The following STMN2 variants were observed in gnomAD, a reference collection of about 807,000 sequenced individuals.
STMN2 encodes the protein stathmin-2.
Under a neutral mutation model 24.1 loss-of-function variants are expected in STMN2, and 2 were observed. The observed-to-expected ratio is 0.08, with a 90% CI of 0.03 to 0.26. STMN2 has a LOEUF of 0.26. STMN2 is among the 10% of genes least tolerant of loss of function. The pLI, the probability that STMN2 is intolerant of heterozygous loss-of-function variation, is 1.00. For missense variants in STMN2, 114 were observed against 213.6 expected (o/e 0.53, Z 2.91); for synonymous variants, 83 against 77.5 (o/e 1.07, Z -0.37).
At chr8:79,659,635 A>C (rs1806458811) in intron 4 of STMN2, among the ~76,000 whole-genome samples, 1 of 152,228 alleles carries the variant, frequency 6.6e-6, no homozygotes, top group South Asian at 2.1e-4. Flanking sequence ...TAATCATTTT[A>C]ACAACAATAC....
chr8:79,650,601 GA>G (rs1332053308), intron 3 of STMN2, among the ~76,000 whole-genome samples: 1 of 152,134 alleles, frequency 6.6e-6, no homozygotes, highest in East Asian at 1.9e-4. Flanking sequence ...GTTCATGTGA[GA>G]ATCAATTTCT....
chr8:79,657,060 G>A lies in STMN2; in HGVS notation c.480+1998G>A, dbSNP rs1806389775. On this transcript the variant is annotated intron_variant, in intron 4 of 4. Coordinates refer to ENST00000220876, the MANE Select transcript of STMN2 (RefSeq NM_007029.4). ...AGCTAATTTTTGTATTTTTAGTAGAGACAGGGTTTTGCCGTGTTGGCCAAG... is the reference window on the plus strand; with the variant it reads ...AGCTAATTTTTGTATTTTTAGTAGAAACAGGGTTTTGCCGTGTTGGCCAAG... Among the ~76,000 whole-genome samples the A allele has an allele frequency of 2.6e-5, 4 of 152,252 alleles. No homozygotes were observed. In the South Asian group the frequency reaches 8.3e-4, roughly 32 times the overall value.
intron 3 of STMN2, 70 bp downstream of exon 3, chr8:79,641,620 ACATG>A (rs1810096880): frequency 1.0e-6 from 1 of 959,172 alleles, no homozygotes; most frequent in Non-Finnish European, 1.5e-6. Flanking sequence ...ACTCGGGCAC[ACATG>A]CACGCACACA....
Position 79,624,873 on chromosome 8 carries a change from G to T in STMN2, c.20-11929G>T, listed in dbSNP as rs377522879. Among the ~76,000 whole-genome samples, 4 of 152,222 alleles carry T rather than the reference G, an allele frequency of 2.6e-5. No individual in the cohort carries two copies. In the East Asian group the frequency reaches 7.7e-4, roughly 29 times the overall value. Reference sequence around the variant, plus strand: ...TTTACTATCTAACAATGAATTTGACGATAGCCACATACCATCTTATAGCAA... The same window carrying T: ...TTTACTATCTAACAATGAATTTGACTATAGCCACATACCATCTTATAGCAA... On this transcript the variant is annotated intron_variant, in intron 1 of 4. Coordinates refer to ENST00000220876, the MANE Select transcript of STMN2 (RefSeq NM_007029.4).
chr8:79,656,117 C>G (rs186606774), intron 4 of STMN2, among the ~76,000 whole-genome samples: 6 of 152,308 alleles, frequency 3.9e-5, no homozygotes, highest in Admixed American at 3.9e-4. Flanking sequence ...CAGTCTCTGA[C>G]TGCAAATATC....
chr8:79,634,373 T>G (rs1809888983), intron 1 of STMN2, among the ~76,000 whole-genome samples: 1 of 152,180 alleles, frequency 6.6e-6, no homozygotes, highest in South Asian at 2.1e-4. Flanking sequence ...TCCAAAGGCG[T>G]TCAACAAAAT....
intron 3 of STMN2, among the ~76,000 whole-genome samples, chr8:79,651,104 T>G (rs189684309): frequency 6.6e-6 from 1 of 152,340 alleles, no homozygotes; most frequent in East Asian, 1.9e-4. Flanking sequence ...AATTATTAAG[T>G]CCTGCAAATG....
chr8:79,635,608 A>G (rs1008836531), intron 1 of STMN2, among the ~76,000 whole-genome samples: 5 of 152,234 alleles, frequency 3.3e-5, no homozygotes, highest in African/African-American at 4.8e-5. Flanking sequence ...CTTTGCTGCA[A>G]CATGGATGCA....
At chr8:79,659,927 G>A (rs1806467490) in intron 4 of STMN2, among the ~76,000 whole-genome samples, 1 of 152,106 alleles carries the variant, frequency 6.6e-6, no homozygotes, top group Non-Finnish European at 1.5e-5. Context: ...GACTCACCCA[G>A]TATCTACTAA....
intron 3 of STMN2, among the ~76,000 whole-genome samples, chr8:79,643,504 G>C (rs1199162590): frequency 6.6e-6 from 1 of 151,992 alleles, no homozygotes; most frequent in Non-Finnish European, 1.5e-5. Flanking sequence ...GACTTGATTA[G>C]AATATGGAGT....
chr8:79,640,762 A>G (rs980031244), intron 2 of STMN2, among the ~76,000 whole-genome samples: 6 of 152,276 alleles, frequency 3.9e-5, no homozygotes, highest in African/African-American at 1.4e-4. Flanking sequence ...AGGGCAAAAC[A>G]GAAATCAGCA....
intron 4 of STMN2, among the ~76,000 whole-genome samples, chr8:79,661,873 G>GA (rs1284522975): frequency 2.0e-5 from 3 of 152,022 alleles, no homozygotes; most frequent in Non-Finnish European, 2.9e-5. Flanking sequence ...ACTCACTCCT[G>GA]ACCCCTTTTT....
At chr8:79,655,139 ACAGAGACGAAGT>A in intron 4 of STMN2, 77 bp downstream of exon 4, 2 of 1,528,004 alleles carry the variant, frequency 1.3e-6, no homozygotes, top group Admixed American at 3.7e-5. Context: ...ATGCCTGAGC[ACAGAGACGAAGT>A]CAAAATTTGC....
At chr8:79,656,200 C>T (rs962884791) in intron 4 of STMN2, among the ~76,000 whole-genome samples, 1 of 152,064 alleles carries the variant, frequency 6.6e-6, no homozygotes, top group African/African-American at 2.4e-5. Context: ...CATTTGTGCT[C>T]GTGAGGAATT....
At chr8:79,624,972 C>A (rs953059618) in intron 1 of STMN2, among the ~76,000 whole-genome samples, 1 of 150,290 alleles carries the variant, frequency 6.7e-6, no homozygotes, top group Non-Finnish European at 1.5e-5. Flanking sequence ...ACATGTCCCA[C>A]GCACTTTTTC....
At position 79,654,851 on chromosome 8, in the gene STMN2, G is replaced by C; in HGVS notation, c.289-20G>C. On this transcript the variant is annotated intron_variant, in intron 3 of 4. Coordinates refer to ENST00000220876, the MANE Select transcript of STMN2 (RefSeq NM_007029.4). The stretch of plus-strand genomic sequence containing the variant: ...TTTGTGTTTGGATAATTATAAGATG[G>C]CTATGTTTTTCTTCCCCAGTCTCAG... The C allele has an allele frequency of 3.1e-6, 5 of 1,606,314 alleles. No individual in the cohort carries two copies. Among genetic ancestry groups the C allele is most frequent in the Non-Finnish European group, 3.4e-6 (4 of 1,174,998 alleles).
At chr8:79,639,230 G>A (rs769232345) in intron 2 of STMN2, among the ~76,000 whole-genome samples, 1 of 152,180 alleles carries the variant, frequency 6.6e-6, no homozygotes, top group Non-Finnish European at 1.5e-5. Context: ...GCACTTAGAG[G>A]TTAGGAAATA....
intron 3 of STMN2, among the ~76,000 whole-genome samples, chr8:79,645,709 T>C (rs1484277713): frequency 6.6e-6 from 1 of 152,218 alleles, no homozygotes; most frequent in Non-Finnish European, 1.5e-5. Flanking sequence ...TAGGATCTTC[T>C]AAATCTCATG....
intron 1 of STMN2, among the ~76,000 whole-genome samples, chr8:79,626,750 T>C (rs1350271700): frequency 1.3e-5 from 2 of 152,150 alleles, no homozygotes; most frequent in Non-Finnish European, 2.9e-5. Context: ...CACACTCCTA[T>C]GTATGAGGGA....
Sources: gnomAD v4.1 joint callset for allele counts (sites outside exome capture counted in the v4.1 genomes callset) on GRCh38, gnomAD v4.1.1 for gene constraint, MANE v1.5 for transcripts, NCBI Gene and HGNC (gene_info 2026-07-23, HGNC 2026-07-21) for gene names.